Variants in RBFOX3 observed in about 807,000 individuals in gnomAD.
RBFOX3 encodes the protein RNA binding fox-1 homolog 3.
In RBFOX3, 17 loss-of-function variants were observed where a neutral mutation model predicts 48.7. That is an observed-to-expected ratio of 0.35 (90% CI 0.24 to 0.52). The LOEUF (loss-of-function observed/expected upper bound fraction) is 0.52. RBFOX3 is among the 20% of genes least tolerant of loss of function. The probability of loss-of-function intolerance (pLI) is 0.94; values close to 1 mark genes in which losing one functional copy is unlikely to be tolerated. For synonymous variants in RBFOX3, 212 were observed against 209.5 expected, an observed-to-expected ratio of 1.01 and a Z score of -0.10; for missense variants, 382 against 497.5, an observed-to-expected ratio of 0.77 and a Z score of 2.21.
chr17:79,387,911 CGA>C (rs140952308), intron 2 of RBFOX3, among the ~76,000 whole-genome samples: 24,447 of 151,890 alleles, frequency 0.16, 2,074 homozygotes, highest in Non-Finnish European at 0.18. Flanking sequence ...ATTGTGTGTA[CGA>C]GTGTGCATAC....
intron 1 of RBFOX3, among the ~76,000 whole-genome samples, chr17:79,524,313 GT>G (rs2086514645): frequency 6.6e-6 from 1 of 152,106 alleles, no homozygotes; most frequent in African/African-American, 2.4e-5. Context: ...TACAAACACT[GT>G]CTCAGCATTC....
intron 2 of RBFOX3, among the ~76,000 whole-genome samples, chr17:79,420,352 C>T (rs1279907443): frequency 6.6e-6 from 1 of 152,210 alleles, no homozygotes; most frequent in Non-Finnish European, 1.5e-5. Flanking sequence ...TTTCTCAGAA[C>T]ATATGTGCAG....
In RBFOX3 at chr17:79,195,589, C is replaced by T. The variant is rs1388973642; in HGVS notation, c.-34+40177G>A. Among the ~76,000 whole-genome samples, 1 of 152,196 alleles carries T rather than the reference C, an allele frequency of 6.6e-6. No individual in the cohort carries two copies. Among genetic ancestry groups the T allele is most frequent in the Admixed American group, 6.5e-5 (1 of 15,276 alleles). Reference sequence around the variant, plus strand: ...TTTCTTGGTTTCTGTCTGCTCTATCCTGATATCTGAGACTGGGGCCTCCTT... The same window carrying T: ...TTTCTTGGTTTCTGTCTGCTCTATCTTGATATCTGAGACTGGGGCCTCCTT... On this transcript the variant is annotated intron_variant, in intron 4 of 14. Coordinates refer to ENST00000693108, the MANE Select transcript of RBFOX3 (RefSeq NM_001350451.2). This position sits in a 1 kb window ranked among gnomAD's most constrained non-coding sequence, Gnocchi z 5.3.
intron 2 of RBFOX3, among the ~76,000 whole-genome samples, chr17:79,432,079 G>A (rs907117650): frequency 1.5e-4 from 23 of 152,296 alleles, no homozygotes; most frequent in African/African-American, 5.3e-4. Flanking sequence ...CTCTTACGGA[G>A]GCATCACGTT....
At chr17:79,228,933 A>G (rs932363490) in intron 4 of RBFOX3, among the ~76,000 whole-genome samples, 2 of 152,076 alleles carry the variant, frequency 1.3e-5, no homozygotes, top group Non-Finnish European at 2.9e-5. Context: ...TGTTCTCTCA[A>G]AGGACAGGAG....
chr17:79,258,356 A>G (rs1845900078), intron 3 of RBFOX3, among the ~76,000 whole-genome samples: 1 of 152,140 alleles, frequency 6.6e-6, no homozygotes, highest in Non-Finnish European at 1.5e-5. Flanking sequence ...ACCCTACTCA[A>G]TACTCCTGTA....
At chr17:79,104,240 G>GC (rs775768051) in intron 6 of RBFOX3, 114 bp from the exon 7 acceptor site, 268 of 979,688 alleles carry the variant, frequency 2.7e-4, no homozygotes, top group Non-Finnish European at 3.9e-4. Context: ...TCTGCCCTCG[G>GC]CCCCCAGCTT....
At chr17:79,319,196 C>T (rs2078029885) in intron 2 of RBFOX3, among the ~76,000 whole-genome samples, 1 of 152,106 alleles carries the variant, frequency 6.6e-6, no homozygotes, top group African/African-American at 2.4e-5. Context: ...GACGGTTTTT[C>T]CTGCTTTTCT....
intron 1 of RBFOX3, among the ~76,000 whole-genome samples, chr17:79,573,122 C>G (rs1435272270): frequency 2.6e-5 from 4 of 152,368 alleles, no homozygotes; most frequent in African/African-American, 9.6e-5. Context: ...GGCATTTCCT[C>G]TTCTTTCTGT....
At chr17:79,456,970 T>G (rs2074601535) in intron 2 of RBFOX3, among the ~76,000 whole-genome samples, 1 of 152,170 alleles carries the variant, frequency 6.6e-6, no homozygotes, top group African/African-American at 2.4e-5. Context: ...CAGTTAGTCA[T>G]GAATTGTATG....
chr17:79,218,605 C>G (rs572317022), intron 4 of RBFOX3, among the ~76,000 whole-genome samples: 12 of 152,148 alleles, frequency 7.9e-5, no homozygotes, highest in Admixed American at 1.3e-4. Context: ...CGGAAGCCCC[C>G]TCCCACCTCT....
intron 2 of RBFOX3, among the ~76,000 whole-genome samples, chr17:79,474,232 C>G (rs1301039271): frequency 6.6e-6 from 1 of 152,178 alleles, no homozygotes; most frequent in Admixed American, 6.5e-5. Flanking sequence ...GCCGTTGACT[C>G]ACGTCCCTGG....
intron 1 of RBFOX3, among the ~76,000 whole-genome samples, chr17:79,595,928 G>A (rs1372893749): frequency 2.6e-5 from 4 of 152,094 alleles, no homozygotes; most frequent in African/African-American, 7.2e-5. Context: ...CAATAATCAC[G>A]AGCGTACTCC....
At chr17:79,441,113 C>T (rs2070820076) in intron 2 of RBFOX3, among the ~76,000 whole-genome samples, 1 of 152,192 alleles carries the variant, frequency 6.6e-6, no homozygotes, top group South Asian at 2.1e-4. Flanking sequence ...ACCAGAGACA[C>T]AGCGGAAGGA....
intron 3 of RBFOX3, among the ~76,000 whole-genome samples, chr17:79,275,594 C>T (rs67320311): frequency 0.042 from 6,459 of 152,282 alleles, 295 homozygotes; most frequent in East Asian, 0.27. Flanking sequence ...CCAATGGACA[C>T]AGAAGCACAG....
At position 79,168,820 on chromosome 17, in the gene RBFOX3, C is replaced by T. The variant is rs139285423; in HGVS notation, c.-33-53072G>A. ...ATCCTCCTAGCTCACCCTGTCTTCC[C>T]GCTGGGCTTACATGCCGGGTGCGCC... On this transcript the variant is annotated intron_variant, in intron 4 of 14. Coordinates refer to ENST00000693108, the MANE Select transcript of RBFOX3 (RefSeq NM_001350451.2). 1.6e-4 allele frequency among the ~76,000 whole-genome samples: 24 copies of T among 151,854 alleles called. No homozygotes were observed. In the East Asian group the frequency reaches 3.3e-3, roughly 21 times the overall value.
At chr17:79,250,325 G>T (rs890090027) in intron 3 of RBFOX3, among the ~76,000 whole-genome samples, 2 of 152,204 alleles carry the variant, frequency 1.3e-5, no homozygotes, top group Non-Finnish European at 2.9e-5. Context: ...TTTAATAATA[G>T]ATAGTTGCTG....
intron 2 of RBFOX3, among the ~76,000 whole-genome samples, chr17:79,374,604 G>A (rs1227729205): frequency 1.3e-5 from 2 of 152,244 alleles, no homozygotes; most frequent in African/African-American, 2.4e-5. Context: ...CCAGGTACAC[G>A]CAGCGAGGTT....
At chr17:79,372,090 C>A (rs1001143266) in intron 2 of RBFOX3, among the ~76,000 whole-genome samples, 2 of 152,046 alleles carry the variant, frequency 1.3e-5, no homozygotes, top group Admixed American at 6.5e-5. Flanking sequence ...ACCCTCTAAA[C>A]GCCAGTAACT....
Sources: gnomAD v4.1 joint callset for allele counts (sites outside exome capture counted in the v4.1 genomes callset) on GRCh38, gnomAD v4.1.1 for gene constraint, Gnocchi (gnomAD v3.1) non-coding constraint, MANE v1.5 for transcripts, NCBI Gene and HGNC (gene_info 2026-07-23, HGNC 2026-07-21) for gene names.